Variants in SYT1 observed in about 807,000 individuals in gnomAD.
The protein encoded by SYT1 is synaptotagmin-1.
In SYT1, 8 loss-of-function variants were observed where a neutral mutation model predicts 44.8. The observed-to-expected ratio is 0.18, with a 90% CI of 0.10 to 0.32. SYT1 has a LOEUF of 0.32. Ranked by LOEUF, SYT1 falls within the 10% of genes least tolerant of loss-of-function variation. The probability of loss-of-function intolerance (pLI) is 1.00; values close to 1 mark genes in which losing one functional copy is unlikely to be tolerated. For missense variants in SYT1, 286 were observed against 509.3 expected (o/e 0.56, Z 4.22); for synonymous variants, 154 against 188.8 (o/e 0.82, Z 1.51).
chr12:79,074,863 G>A (rs1020501950), intron 3 of SYT1, among the ~76,000 whole-genome samples: 2 of 152,202 alleles, frequency 1.3e-5, no homozygotes, highest in Non-Finnish European at 2.9e-5. Context: ...AGACACTTAG[G>A]GATAAGGTAA....
chr12:79,374,605 A>G (rs770638895), intron 9 of SYT1, among the ~76,000 whole-genome samples: 2 of 152,232 alleles, frequency 1.3e-5, no homozygotes, highest in Non-Finnish European at 2.9e-5. Flanking sequence ...AGGACATTCA[A>G]TGTCACCAGA....
At chr12:79,121,926 T>G (rs61927273) in intron 3 of SYT1, among the ~76,000 whole-genome samples, 16,820 of 152,228 alleles carry the variant, frequency 0.11, 996 homozygotes, top group African/African-American at 0.12. Flanking sequence ...TAGCCTGATA[T>G]ATACAAAAAA....
chr12:79,080,667 C>T (rs966883531), intron 3 of SYT1, among the ~76,000 whole-genome samples: 2 of 152,050 alleles, frequency 1.3e-5, no homozygotes, highest in Non-Finnish European at 2.9e-5. Flanking sequence ...GTACTGGCTC[C>T]AATATAAATT....
intron 3 of SYT1, among the ~76,000 whole-genome samples, chr12:79,188,061 A>T (rs1156298209): frequency 2.0e-5 from 3 of 152,156 alleles, no homozygotes; most frequent in Non-Finnish European, 4.4e-5. Flanking sequence ...TTTCCATTTC[A>T]AATAATTTAT....
intron 3 of SYT1, among the ~76,000 whole-genome samples, chr12:79,093,139 A>T (rs1423410165): frequency 6.6e-6 from 1 of 151,726 alleles, no homozygotes; most frequent in Non-Finnish European, 1.5e-5. Context: ...CATATAACTT[A>T]GCGTATTAAA....
intron 3 of SYT1, among the ~76,000 whole-genome samples, chr12:79,049,458 C>T (rs1458548787): frequency 6.9e-6 from 1 of 143,896 alleles, no homozygotes; most frequent in Non-Finnish European, 1.5e-5. Flanking sequence ...TCATAAATTA[C>T]ATGCAAAAAA....
chr12:79,392,802 T>C (rs868595865), intron 9 of SYT1: 26 of 150,686 alleles, frequency 1.7e-4, no homozygotes, highest in African/African-American at 4.4e-4. Context: ...TTCTTTCTTT[T>C]TTTTTTTTTT....
intron 3 of SYT1, among the ~76,000 whole-genome samples, chr12:79,157,061 G>A (rs1444742745): frequency 6.6e-6 from 1 of 152,116 alleles, no homozygotes; most frequent in African/African-American, 2.4e-5. Context: ...GCAGAGAAGA[G>A]GAACTTGTAG....
intron 4 of SYT1, among the ~76,000 whole-genome samples, chr12:79,282,074 G>T (rs756775226): frequency 6.6e-5 from 10 of 152,112 alleles, no homozygotes; most frequent in Non-Finnish European, 1.5e-4. Flanking sequence ...CTTGGACTCT[G>T]ACATTTCTGC....
At chr12:79,378,258 A>T (rs1300731386) in intron 9 of SYT1, among the ~76,000 whole-genome samples, 1 of 152,200 alleles carries the variant, frequency 6.6e-6, no homozygotes, top group African/African-American at 2.4e-5. Context: ...CAGTTTACAG[A>T]TGTGTGCCTT....
intron 2 of SYT1, among the ~76,000 whole-genome samples, chr12:78,987,149 T>C (rs1004573793): frequency 2.0e-5 from 3 of 152,060 alleles, no homozygotes; most frequent in African/African-American, 7.2e-5. Flanking sequence ...CAGGAAGCAG[T>C]CTTTGACAAA....
At chr12:78,987,164 A>T (rs1164899999) in intron 2 of SYT1, among the ~76,000 whole-genome samples, 4 of 152,052 alleles carry the variant, frequency 2.6e-5, no homozygotes, top group Non-Finnish European at 5.9e-5. Flanking sequence ...GACAAACACC[A>T]CTGTGAAGGC....
At chr12:79,368,334 T>C (rs1368372539) in intron 9 of SYT1, among the ~76,000 whole-genome samples, 3 of 152,162 alleles carry the variant, frequency 2.0e-5, no homozygotes, top group Admixed American at 6.5e-5. Context: ...TCTTTGCTAT[T>C]GTGAATAGTG....
At chr12:79,105,596 T>C (rs1200108523) in intron 3 of SYT1, among the ~76,000 whole-genome samples, 1 of 152,032 alleles carries the variant, frequency 6.6e-6, no homozygotes, top group Admixed American at 6.6e-5. Flanking sequence ...AAATAAGCAG[T>C]TTGGCCGGGC....
intron 6 of SYT1, among the ~76,000 whole-genome samples, chr12:79,295,386 A>G (rs1392463510): frequency 6.6e-6 from 1 of 152,162 alleles, no homozygotes; most frequent in East Asian, 1.9e-4. Context: ...TAAAAAACAC[A>G]GTTACTCACC....
chr12:79,256,397 T>G (rs990319438), intron 4 of SYT1, among the ~76,000 whole-genome samples: 10 of 152,224 alleles, frequency 6.6e-5, no homozygotes, highest in Non-Finnish European at 1.2e-4. Flanking sequence ...CAGATTGATT[T>G]TAATATATCC....
chr12:79,425,130 G>A (rs1869373726), intron 9 of SYT1, among the ~76,000 whole-genome samples: 1 of 151,422 alleles, frequency 6.6e-6, no homozygotes, highest in Non-Finnish European at 1.5e-5. Flanking sequence ...CGTGTATTAT[G>A]GCATTTTTAT....
rs768228355 is a variant in SYT1, at chr12:79,386,053, A to G, written c.928+32434A>G. 2.0e-5 allele frequency among the ~76,000 whole-genome samples: 3 copies of G among 152,332 alleles called. No homozygotes were observed. In the East Asian group the frequency reaches 5.8e-4, roughly 29 times the overall value. ...CTCTAATACTGCTGCAGTGCTGCCTAGCTGCTACTTTAAACCAACACTGGC... is the reference window on the plus strand; with the variant it reads ...CTCTAATACTGCTGCAGTGCTGCCTGGCTGCTACTTTAAACCAACACTGGC... On this transcript the variant is annotated intron_variant, in intron 9 of 10. Coordinates refer to ENST00000261205, the MANE Select transcript of SYT1 (RefSeq NM_005639.3).
intron 9 of SYT1, among the ~76,000 whole-genome samples, chr12:79,442,826 G>A (rs1048065154): frequency 2.0e-4 from 30 of 152,096 alleles, no homozygotes; most frequent in South Asian, 2.1e-4. Context: ...TACATGTTCC[G>A]AGAGAGAGGA....
Sources: gnomAD v4.1 joint callset for allele counts (sites outside exome capture counted in the v4.1 genomes callset) on GRCh38, gnomAD v4.1.1 for gene constraint, MANE v1.5 for transcripts, NCBI Gene and HGNC (gene_info 2026-07-23, HGNC 2026-07-21) for gene names.